Variants in SLC16A5 observed in about 807,000 individuals in gnomAD.
SLC16A5 encodes the protein solute carrier family 16 member 5.
A neutral mutation model predicts 33.2 loss-of-function variants in SLC16A5; 29 were observed. That is an observed-to-expected ratio of 0.87 (90% confidence interval 0.65 to 1.19). The LOEUF (loss-of-function observed/expected upper bound fraction) is 1.19. SLC16A5 is among the 50% of genes most tolerant of loss of function. The pLI is 0.00. For missense variants in SLC16A5, 606 were observed against 678.2 expected (o/e 0.89, Z 1.18); for synonymous variants, 248 against 284.1 (o/e 0.87, Z 1.28).
At chr17:75,093,345 A>G (rs2073667827) in intron 2 of SLC16A5, 3 of 1,472,530 alleles carry the variant, frequency 2.0e-6, no homozygotes, top group Non-Finnish European at 2.8e-6. Flanking sequence ...TGTCCCTCCT[A>G]TCCCTCCTGT....
intron 5 of SLC16A5, among the ~76,000 whole-genome samples, chr17:75,102,603 C>T (rs1015511257): frequency 1.1e-4 from 16 of 152,142 alleles, no homozygotes; most frequent in Admixed American, 9.2e-4. Flanking sequence ...TTGTAAAGCC[C>T]TCGGTACCGG....
chr17:75,093,338 C>T, intron 2 of SLC16A5: 1 of 1,432,074 alleles, frequency 7.0e-7, no homozygotes, highest in Non-Finnish European at 9.5e-7. Context: ...CCCGTCCTGT[C>T]CCTCCTATCC....
At position 75,087,969 on chromosome 17, in the gene SLC16A5, G is replaced by C. The variant is rs765919096; in HGVS notation, c.-278G>C. 2 of 152,128 alleles carry C rather than the reference G, an allele frequency of 1.3e-5. No individual in the cohort carries two copies. Among genetic ancestry groups the C allele is most frequent in the Non-Finnish European group, 2.9e-5 (2 of 68,044 alleles). 9.4% of individuals were successfully genotyped at this position (152,128 alleles called of 1,614,324 possible). A position where few individuals can be genotyped will look rare whatever the true frequency, so the allele number is the denominator to read the frequency against. The stretch of plus-strand genomic sequence containing the variant: ...CGCTTGGCCCAGTCCCGCGGTCCTC[G>C]TCGCGACCGGCCCGGGCCGCAGGAC... On this transcript the variant is annotated 5_prime_UTR_variant, in exon 1 of 7. Coordinates refer to ENST00000329783, the MANE Select transcript of SLC16A5 (RefSeq NM_004695.4).
rs746000787 is a variant in SLC16A5 at position 75,100,578 on chromosome 17, G to A, written c.915G>A (p.Lys305=). The A allele has an allele frequency of 5.6e-6, 9 of 1,614,222 alleles. No homozygotes were observed. The Admixed American group carries it at 1.5e-4, about 27-fold the overall frequency. Residue 305 remains lysine, a synonymous_variant, in exon 5 of 7, where the codon AAG becomes AAA. Transcript: ENST00000329783. ...GGCCGGCCTTTGCTAGCCACCGCAA[G>A]TACCTGTTCAGCCTGGCACTCCTGC... is the stretch of plus-strand genomic sequence containing the variant. The part of the protein sequence containing the change: ...AGRPAFASHR[K]YLFSLALLLN...
intron 2 of SLC16A5, among the ~76,000 whole-genome samples, chr17:75,092,716 CTG>C (rs934949268): frequency 6.6e-5 from 10 of 151,496 alleles, no homozygotes; most frequent in African/African-American, 2.4e-4. Context: ...GTGTGTGTCT[CTG>C]TGTGTGTGCG....
In SLC16A5 at chr17:75,099,862, C is replaced by A. The variant is rs1256161288; in HGVS notation, c.344-145C>A. 7.6e-6 allele frequency: 6 copies of A among 785,460 alleles called. No individual in the cohort carries two copies. In the Admixed American group the frequency reaches 1.8e-4, roughly 23 times the overall value. The allele number at this position is 785,460 out of a possible 1,614,324, so 48.7% of individuals were successfully genotyped here. A position where few individuals can be genotyped will look rare whatever the true frequency, so the allele number is the denominator to read the frequency against. ...GGGAGGTGGCGAGGCCAGCTGATTC[C>A]ATGGTCAGTCCCCAGGGACTTGGAG... On this transcript the variant is annotated intron_variant, in intron 4 of 6. Transcript: ENST00000329783.
At chr17:75,091,154 G>A (rs1303536987) in intron 2 of SLC16A5, among the ~76,000 whole-genome samples, 1 of 152,162 alleles carries the variant, frequency 6.6e-6, no homozygotes, top group Non-Finnish European at 1.5e-5. Flanking sequence ...AAGCCAGGAA[G>A]GCTGTGGCCT....
chr17:75,106,614 G>T (rs999687063), downstream of SLC16A5, among the ~76,000 whole-genome samples: 1 of 137,784 alleles, frequency 7.3e-6, no homozygotes, highest in African/African-American at 2.7e-5. Flanking sequence ...AAAAAAAAAG[G>T]CTGGGTGTGG....
At chr17:75,095,606 T>G (rs2145018293) in intron 3 of SLC16A5, among the ~76,000 whole-genome samples, 1 of 152,122 alleles carries the variant, frequency 6.6e-6, no homozygotes, top group Admixed American at 6.5e-5. Flanking sequence ...CAAGCGATCC[T>G]GCCACCTCAG....
Position 75,093,836 on chromosome 17 carries a change from G to C in SLC16A5, c.199+1G>C. 1 of 1,613,748 alleles carries C rather than the reference G, an allele frequency of 6.2e-7. No homozygotes were observed. The highest frequency in any genetic ancestry group is 1.3e-5 in the African/African-American group (1 of 75,060). ...CTCACGGCTGTGCTCCACATGGCAG[G>C]TGAGCGGCCTAGGGAGGGGCCGATG... On this transcript the variant is annotated splice_donor_variant, in intron 3 of 6. Transcript: ENST00000329783. LOFTEE classifies it high-confidence loss of function.
intron 4 of SLC16A5, among the ~76,000 whole-genome samples, chr17:75,099,004 AGCCTGAGGGCCC>A (rs1170291978): frequency 6.6e-5 from 10 of 152,214 alleles, no homozygotes; most frequent in Admixed American, 5.9e-4. Context: ...CGTCACAGGC[AGCCTGAGGGCCC>A]GCCTGAGGCC....
intron 3 of SLC16A5, among the ~76,000 whole-genome samples, chr17:75,094,069 G>A (rs566474879): frequency 2.3e-4 from 35 of 152,324 alleles, no homozygotes; most frequent in African/African-American, 7.0e-4. Context: ...GGAGCCTTGC[G>A]TCCTTTCTGT....
At chr17:75,093,416 T>C in intron 2 of SLC16A5, 173 bp from the exon 3 acceptor site, 1 of 1,535,862 alleles carries the variant, frequency 6.5e-7, no homozygotes, top group Non-Finnish European at 8.7e-7. Context: ...TGAAAGGAGA[T>C]GCCAAGGCCA....
intron 3 of SLC16A5, among the ~76,000 whole-genome samples, chr17:75,094,652 C>CT (rs1180191565): frequency 1.3e-5 from 2 of 150,178 alleles, no homozygotes; most frequent in Non-Finnish European, 3.0e-5. Context: ...TGCCATTGCA[C>CT]TCCAGCCTGG....
upstream of SLC16A5, chr17:75,087,641 A>G (rs1424711032): frequency 6.6e-6 from 1 of 152,046 alleles, no homozygotes; most frequent in East Asian, 1.9e-4. Context: ...CGCCTTCCCC[A>G]CCCCACTTCC....
In SLC16A5 at chr17:75,093,699, G is replaced by A; in HGVS notation, c.63G>A (p.Met21Ile). ...CCTGGGTGGTGCTGCTGGCCACCAT[G>A]GTGACCCAGGGCCTCACCCTGGGCT... Reference protein sequence around the residue: ...SWAWVVLLATMVTQGLTLGFP... With the variant: ...SWAWVVLLATIVTQGLTLGFP... Residue 21 changes from methionine (M) to isoleucine (I), a missense_variant, in exon 3 of 7, where the codon ATG (methionine) becomes ATA (isoleucine). Met to Ile is a conservative substitution (Grantham distance 10). Transcript: ENST00000329783. 1 of 1,613,948 alleles carries A rather than the reference G, an allele frequency of 6.2e-7. No individual in the cohort carries two copies. The highest frequency in any genetic ancestry group is 8.5e-7 in the Non-Finnish European group (1 of 1,179,952).
chr17:75,099,433 T>C lies in SLC16A5; in HGVS notation c.344-574T>C, dbSNP rs1348506222. ...AATCCAATTTGGGGTTTGTTTGTTT[T>C]TGAGACAGAGTCTCACTCTGTTGCC... On this transcript the variant is annotated intron_variant, in intron 4 of 6. Coordinates refer to ENST00000329783, the MANE Select transcript of SLC16A5 (RefSeq NM_004695.4). Among the ~76,000 whole-genome samples the C allele has an allele frequency of 8.5e-5, 13 of 152,160 alleles. No individual in the cohort carries two copies. The East Asian group carries it at 2.5e-3, about 29-fold the overall frequency.
intron 2 of SLC16A5, among the ~76,000 whole-genome samples, chr17:75,092,622 G>A (rs185052805): frequency 4.6e-5 from 7 of 152,146 alleles, no homozygotes; most frequent in African/African-American, 1.2e-4. Context: ...ATCGTGCCCG[G>A]CCAAGTGTGT....
At position 75,100,310 on chromosome 17, in the gene SLC16A5, T is replaced by C. The variant is rs745705721; in HGVS notation, c.647T>C (p.Leu216Pro). ...CCCGAGACACCTGCACTTGGCTGCC[T>C]GGCTGCATGCGGCCGGACCATCCAG... Reference protein sequence around the residue: ...PPPETPALGCLAACGRTIQRH... With the variant: ...PPPETPALGCPAACGRTIQRH... The change falls in exon 5 of 7, where the codon CTG (leucine) becomes CCG (proline). Residue 216 changes from leucine (L) to proline (P), a missense_variant. Coordinates refer to ENST00000329783, the MANE Select transcript of SLC16A5 (RefSeq NM_004695.4). 2 of 1,614,164 alleles carry C rather than the reference T, an allele frequency of 1.2e-6. No individual in the cohort carries two copies. The highest frequency in any genetic ancestry group is 1.7e-6 in the Non-Finnish European group (2 of 1,180,034).
Sources: allele counts gnomAD v4.1 joint callset (sites outside exome capture counted in the v4.1 genomes callset), GRCh38; gene constraint gnomAD v4.1.1; transcripts MANE v1.5; gene names NCBI Gene and HGNC (gene_info 2026-07-23, HGNC 2026-07-21).